Variants in DNAAF5 observed in about 807,000 individuals in gnomAD.
The protein encoded by DNAAF5 is dynein axonemal assembly factor 5, also known as HEAT repeat containing 2.
Under a neutral mutation model 75.8 loss-of-function variants are expected in DNAAF5, and 64 were observed. The observed-to-expected ratio is 0.84, with a 90% confidence interval of 0.69 to 1.04. The LOEUF is 1.04. DNAAF5 is among the 50% of genes least tolerant of loss of function. The probability of loss-of-function intolerance (pLI) is 0.00; values close to 1 mark genes in which losing one functional copy is unlikely to be tolerated. For missense variants in DNAAF5, 1,269 were observed against 1,178.5 expected (o/e 1.08, Z -1.12); for synonymous variants, 657 against 557.2 (o/e 1.18, Z -2.52).
intron 12 of DNAAF5, among the ~76,000 whole-genome samples, chr7:784,547 T>C (rs978574597): frequency 3.3e-5 from 5 of 152,100 alleles, no homozygotes; most frequent in African/African-American, 1.2e-4. Context: ...CAACCCTTTC[T>C]GGCCCCCACC....
intron 2 of DNAAF5, among the ~76,000 whole-genome samples, chr7:737,321 C>G (rs1781769288): frequency 6.6e-6 from 1 of 152,166 alleles, no homozygotes; most frequent in Non-Finnish European, 1.5e-5. Flanking sequence ...GTCTTGAACT[C>G]CTGAGCTCAG....
At chr7:774,549 T>C (rs1025783417) in intron 10 of DNAAF5, among the ~76,000 whole-genome samples, 28 of 109,570 alleles carry the variant, frequency 2.6e-4, no homozygotes, top group Admixed American at 2.4e-3. Flanking sequence ...AGGACGGGCC[T>C]GGGCTTTCCG....
At chr7:733,353 G>T (rs2128070432) in intron 2 of DNAAF5, among the ~76,000 whole-genome samples, 1 of 152,286 alleles carries the variant, frequency 6.6e-6, no homozygotes, top group South Asian at 2.1e-4. Context: ...TTGGTATTTT[G>T]ATAGGGATTG....
At chr7:767,253 A>AAG (rs1554254717) in intron 8 of DNAAF5, among the ~76,000 whole-genome samples, 1 of 147,720 alleles carries the variant, frequency 6.8e-6, no homozygotes, top group African/African-American at 2.5e-5. Flanking sequence ...AAAAAAAAAA[A>AAG]AAAGACTGTA....
intron 11 of DNAAF5, among the ~76,000 whole-genome samples, chr7:776,742 T>C (rs891209345): frequency 6.6e-6 from 1 of 152,224 alleles, no homozygotes; most frequent in South Asian, 2.1e-4. Context: ...AGCCCCTCAC[T>C]CAGGGCAGCC....
intron 11 of DNAAF5, among the ~76,000 whole-genome samples, 156 bp downstream of exon 11, chr7:775,318 G>A (rs1451891058): frequency 2.0e-5 from 3 of 152,160 alleles, no homozygotes; most frequent in Non-Finnish European, 2.9e-5. Flanking sequence ...CTTTAGGCAG[G>A]AGGGTTGCTT....
intron 6 of DNAAF5, among the ~76,000 whole-genome samples, chr7:760,243 G>A (rs190128499): frequency 5.0e-4 from 76 of 152,298 alleles, no homozygotes; most frequent in Non-Finnish European, 8.2e-4. Flanking sequence ...CATGATTTAC[G>A]TCAGTGGGGA....
chr7:729,621 G>A lies in DNAAF5; in HGVS notation c.596-42G>A, dbSNP rs754970628. 3.2e-6 allele frequency: 5 copies of A among 1,586,654 alleles called. No individual in the cohort carries two copies. In the African/African-American group the frequency reaches 6.7e-5, roughly 21 times the overall value. On this transcript the variant is annotated intron_variant, in intron 1 of 12. Transcript: ENST00000297440. ...AAGCCCACAGAGCTGGGCGAGGCGT[G>A]TGGGAGCAGCTCTGGTAACTGGGGG...
At chr7:752,245 A>G (rs1257611131) in intron 4 of DNAAF5, among the ~76,000 whole-genome samples, 1 of 152,260 alleles carries the variant, frequency 6.6e-6, no homozygotes. Context: ...TTAACCCCAG[A>G]TGCGTCAGGG....
In DNAAF5 at chr7:768,443, C is replaced by A. The variant is rs755665973; in HGVS notation, c.1784-2028C>A. On this transcript the variant is annotated intron_variant, in intron 8 of 12. Transcript: ENST00000297440. ...AGTGTCTGTGCTGCGAGTGGGCGCT[C>A]CGGCTGGGAGGGCAGACACGTGGTC... is the stretch of plus-strand genomic sequence containing the variant. 7 of 141,768 alleles carry A rather than the reference C, an allele frequency of 4.9e-5. 1 individual carries two copies. The highest frequency in any genetic ancestry group is 1.9e-4 in the African/African-American group (7 of 37,584). The allele number at this position is 141,768 out of a possible 1,614,324, so 8.8% of individuals were successfully genotyped here. A position where few individuals can be genotyped will look rare whatever the true frequency, so the allele number is the denominator to read the frequency against.
chr7:765,321 C>A (rs1350511390), intron 8 of DNAAF5, among the ~76,000 whole-genome samples: 1 of 152,208 alleles, frequency 6.6e-6, no homozygotes, highest in African/African-American at 2.4e-5. Flanking sequence ...GACTCCAGAG[C>A]CTCCCTCAGC....
chr7:755,086 G>A (rs957272196), intron 5 of DNAAF5, among the ~76,000 whole-genome samples: 13 of 152,110 alleles, frequency 8.5e-5, no homozygotes, highest in East Asian at 3.9e-4. Flanking sequence ...TTGTGTAGAC[G>A]TGTTGTGTAG....
chr7:772,385 C>G (rs181605305), intron 9 of DNAAF5: 4 of 152,380 alleles, frequency 2.6e-5, no homozygotes, highest in East Asian at 1.9e-4. Flanking sequence ...TGGTCAGACC[C>G]TGGAGCACTT....
chr7:779,853 G>T, intron 11 of DNAAF5, 100 bp from the exon 12 acceptor site: 1 of 997,020 alleles, frequency 1.0e-6, no homozygotes, highest in Non-Finnish European at 1.5e-6. Context: ...GGACCCCAGG[G>T]CAGGTGTCCC....
Position 727,263 on chromosome 7 carries a change from C to A in DNAAF5, c.543C>A (p.Ala181=). 2 of 1,330,824 alleles carry A rather than the reference C, an allele frequency of 1.5e-6. No individual in the cohort carries two copies. Among genetic ancestry groups the A allele is most frequent in the Non-Finnish European group, 1.9e-6 (2 of 1,044,784 alleles). 82.4% of individuals were successfully genotyped at this position (1,330,824 alleles called of 1,614,324 possible). A position where few individuals can be genotyped will look rare whatever the true frequency, so the allele number is the denominator to read the frequency against. Residue 181 remains alanine (A), a synonymous_variant, in exon 1 of 13, where the codon GCC becomes GCA. Coordinates refer to ENST00000297440, the MANE Select transcript of DNAAF5 (RefSeq NM_017802.4). The part of the protein sequence containing the change: ...LRCSLLDPFA[A]VRRESCSCAA... ...GCTCCCTGCTCGACCCCTTCGCCGC[C>A]GTGCGCCGCGAGAGCTGCAGCTGCG...
chr7:729,988 G>T (rs549226518), intron 2 of DNAAF5, 141 bp downstream of exon 2: 1 of 782,862 alleles, frequency 1.3e-6, no homozygotes, highest in Non-Finnish European at 2.0e-6. Flanking sequence ...GTCACAGGAC[G>T]TTCCTGTTCA....
intron 12 of DNAAF5, among the ~76,000 whole-genome samples, chr7:784,654 C>T (rs568383081): frequency 2.6e-5 from 4 of 152,276 alleles, no homozygotes; most frequent in East Asian, 1.9e-4. Context: ...TCCCGATGAA[C>T]CCTCCGTAAG....
intron 4 of DNAAF5, among the ~76,000 whole-genome samples, chr7:751,190 T>G (rs1241459111): frequency 6.6e-6 from 1 of 151,918 alleles, no homozygotes; most frequent in Non-Finnish European, 1.5e-5. Flanking sequence ...CCCTGGCTTT[T>G]TTGTTTTTTA....
At chr7:751,735 G>A (rs1363028098) in intron 4 of DNAAF5, among the ~76,000 whole-genome samples, 2 of 151,864 alleles carry the variant, frequency 1.3e-5, no homozygotes, top group Admixed American at 1.3e-4. Flanking sequence ...AGCACGACCG[G>A]CTTATTTTTT....
Sources: allele counts gnomAD v4.1 joint callset (sites outside exome capture counted in the v4.1 genomes callset), GRCh38; gene constraint gnomAD v4.1.1; transcripts MANE v1.5; gene names NCBI Gene and HGNC (gene_info 2026-07-23, HGNC 2026-07-21).